The following NLN variants were observed in gnomAD, a reference collection of about 807,000 sequenced individuals.
The protein encoded by NLN is neurolysin, mitochondrial.
In NLN, 64 loss-of-function variants were observed where a neutral mutation model predicts 79.9. That is an observed-to-expected ratio of 0.80 (90% CI 0.65 to 0.99). NLN has a LOEUF of 0.99. Among genes scored for constraint, NLN ranks in the 50% least tolerant of loss-of-function variants. The probability of loss-of-function intolerance (pLI) is 0.00; values close to 1 mark genes in which losing one functional copy is unlikely to be tolerated. For synonymous variants in NLN, 267 were observed against 296.6 expected (o/e 0.90, Z 1.02); for missense variants, 835 against 858.7 (o/e 0.97, Z 0.34).
chr5:65,760,843 A>G (rs545173203), intron 2 of NLN, among the ~76,000 whole-genome samples: 3 of 152,308 alleles, frequency 2.0e-5, no homozygotes, highest in African/African-American at 7.2e-5. Flanking sequence ...TCTTTATAAA[A>G]TAATTACTTT....
intron 8 of NLN, 30 bp from the exon 9 acceptor site, chr5:65,792,424 A>G (rs759247627): frequency 2.6e-6 from 4 of 1,514,702 alleles, no homozygotes; most frequent in East Asian, 2.3e-5. Flanking sequence ...GAATTTTCCT[A>G]TGTTGCCAAC....
intron 9 of NLN, among the ~76,000 whole-genome samples, chr5:65,807,528 C>T (rs910332648): frequency 1.1e-4 from 16 of 151,966 alleles, no homozygotes; most frequent in Admixed American, 3.3e-4. Context: ...GCAACCTCCA[C>T]CTCCCAAGTT....
At chr5:65,817,188 C>G (rs1561215145) in intron 12 of NLN, among the ~76,000 whole-genome samples, 1 of 152,116 alleles carries the variant, frequency 6.6e-6, no homozygotes, top group African/African-American at 2.4e-5. Context: ...AACTTTGCTA[C>G]CTCTGGTTTT....
chr5:65,744,472 C>CTTTT (rs199944194), intron 1 of NLN, among the ~76,000 whole-genome samples: 7 of 139,588 alleles, frequency 5.0e-5, no homozygotes, highest in African/African-American at 1.9e-4. Flanking sequence ...TCTCTCTCCC[C>CTTTT]TTTTTTTTTT....
Position 65,781,285 on chromosome 5 carries a change from A to G in NLN, c.686A>G (p.Asp229Gly). ...ELGALPDDFI[D>G]SLEKTDDDKY... ...GGTGCTCTTCCTGATGATTTCATTG[A>G]CAGTTTAGAAAAGACAGATGATGAC... The change falls in exon 6 of 13, where the codon GAC (aspartate) becomes GGC (glycine). Residue 229 changes from aspartate to glycine, a missense_variant. Transcript: ENST00000380985. 6.2e-7 allele frequency: 1 copy of G among 1,607,826 alleles called. No homozygotes were observed. The highest frequency in any genetic ancestry group is 1.7e-4 in the Middle Eastern group (1 of 5,946).
At chr5:65,740,547 A>T (rs1758845577) in intron 1 of NLN, among the ~76,000 whole-genome samples, 1 of 152,110 alleles carries the variant, frequency 6.6e-6, no homozygotes, top group African/African-American at 2.4e-5. Context: ...ACAGTTTAGG[A>T]TCTTACATTT....
In NLN at chr5:65,722,308, C is replaced by T. The variant is rs1758323386; in HGVS notation, c.-66C>T. On this transcript the variant is annotated 5_prime_UTR_variant, in exon 1 of 13. Coordinates refer to ENST00000380985, the MANE Select transcript of NLN (RefSeq NM_020726.5). ...GAGACTCCCGGGCGCCCAGGCGCTG[C>T]CGCCCGCCTCGCCGCCCCACGCCGA... 7 of 1,377,746 alleles carry T rather than the reference C, an allele frequency of 5.1e-6. No homozygotes were observed. In the South Asian group the frequency reaches 5.3e-5, roughly 11 times the overall value. 85.3% of individuals were successfully genotyped at this position (1,377,746 alleles called of 1,614,324 possible).
intron 12 of NLN, among the ~76,000 whole-genome samples, chr5:65,822,357 ACCATTTGACAGTAG>A (rs145192543): frequency 0.011 from 1,745 of 152,276 alleles, 31 homozygotes; most frequent in African/African-American, 0.04. Flanking sequence ...AGCAGCAGAA[ACCATTTGACAGTAG>A]CCATGCTACT....
At chr5:65,801,130 G>A (rs1760276782) in intron 9 of NLN, among the ~76,000 whole-genome samples, 1 of 152,108 alleles carries the variant, frequency 6.6e-6, no homozygotes, top group African/African-American at 2.4e-5. Flanking sequence ...TCTTTGAAGT[G>A]TCAGCTACAA....
chr5:65,786,904 C>A (rs1167757227), intron 7 of NLN, among the ~76,000 whole-genome samples: 1 of 152,072 alleles, frequency 6.6e-6, no homozygotes, highest in East Asian at 1.9e-4. Flanking sequence ...AGGTCTTTTT[C>A]TCAATGGATT....
rs1249609604 is a variant in NLN at position 65,826,599 on chromosome 5, G to A, written c.*3684G>A. On this transcript the variant is annotated 3_prime_UTR_variant, in exon 13 of 13. Transcript: ENST00000380985. ...TGAACATGCCTTCTCTTATAAATGT[G>A]TGGTGAGAATAAAAGCAACAAAGAA... 6.6e-6 allele frequency: 1 copy of A among 152,174 alleles called. No individual in the cohort carries two copies. The highest frequency in any genetic ancestry group is 1.5e-5 in the Non-Finnish European group (1 of 68,046). The allele number at this position is 152,174 out of a possible 1,614,324, so 9.4% of individuals were successfully genotyped here. A position where few individuals can be genotyped will look rare whatever the true frequency, so the allele number is the denominator to read the frequency against.
intron 9 of NLN, among the ~76,000 whole-genome samples, chr5:65,797,870 C>CT (rs1462491612): frequency 6.6e-6 from 1 of 152,158 alleles, no homozygotes; most frequent in African/African-American, 2.4e-5. Context: ...GAGTGAAGAT[C>CT]TGTGGAAGGT....
intron 1 of NLN, among the ~76,000 whole-genome samples, chr5:65,743,900 C>T (rs1299994328): frequency 3.9e-5 from 6 of 152,200 alleles, no homozygotes. Flanking sequence ...CGTGTACCCA[C>T]CTTACCTCAT....
intron 3 of NLN, among the ~76,000 whole-genome samples, chr5:65,769,539 AC>A (rs970504008): frequency 6.6e-6 from 1 of 152,210 alleles, no homozygotes; most frequent in African/African-American, 2.4e-5. Flanking sequence ...CCATATACCC[AC>A]AAAAAATTTT....
At chr5:65,750,884 A>G (rs530707701) in intron 1 of NLN, among the ~76,000 whole-genome samples, 1 of 152,330 alleles carries the variant, frequency 6.6e-6, no homozygotes, top group South Asian at 2.1e-4. Flanking sequence ...GGAGTCCTAT[A>G]TGGTCTGATG....
At chr5:65,786,009 T>G in intron 7 of NLN, 99 bp downstream of exon 7, 2 of 1,084,124 alleles carry the variant, frequency 1.8e-6, no homozygotes, top group Non-Finnish European at 2.7e-6. Flanking sequence ...ATCCTACTTT[T>G]CCTTCATTTG....
intron 1 of NLN, among the ~76,000 whole-genome samples, chr5:65,736,007 AAT>A (rs1758720593): frequency 6.6e-6 from 1 of 152,212 alleles, no homozygotes; most frequent in Non-Finnish European, 1.5e-5. Context: ...AAGGATGAAA[AAT>A]GTGTCAATAT....
chr5:65,820,019 A>T (rs942892333), intron 12 of NLN, among the ~76,000 whole-genome samples: 7 of 152,236 alleles, frequency 4.6e-5, no homozygotes, highest in Non-Finnish European at 8.8e-5. Flanking sequence ...ACTGAGCCAC[A>T]TATTGTGAGA....
chr5:65,753,164 A>G (rs1467179647), intron 1 of NLN, among the ~76,000 whole-genome samples: 1 of 152,206 alleles, frequency 6.6e-6, no homozygotes, highest in African/African-American at 2.4e-5. Context: ...TACACAATGT[A>G]TACATGTATT....
Sources: allele counts gnomAD v4.1 joint callset (sites outside exome capture counted in the v4.1 genomes callset), GRCh38; gene constraint gnomAD v4.1.1; transcripts MANE v1.5; gene names NCBI Gene and HGNC (gene_info 2026-07-23, HGNC 2026-07-21).